Variants in FGF13 observed in about 807,000 individuals in gnomAD.
The protein encoded by FGF13 is fibroblast growth factor homologous factor 2.
A neutral mutation model predicts 19.5 loss-of-function variants in FGF13; 2 were observed. The observed-to-expected ratio is 0.10, with a 90% CI of 0.04 to 0.32. FGF13 has a LOEUF of 0.32. FGF13 is among the 10% of genes least tolerant of loss of function. FGF13 has a pLI of 1.00. For missense variants in FGF13, 113 were observed against 192.7 expected (o/e 0.59, Z 2.45); for synonymous variants, 72 against 76.9 (o/e 0.94, Z 0.33).
At chrX:138,688,116 C>T (rs1041739967) in intron 3 of FGF13, among the ~76,000 whole-genome samples, 12 of 109,020 alleles carry the variant, frequency 1.1e-4, no homozygotes, top group African/African-American at 3.7e-4. Flanking sequence ...CCACCATGCC[C>T]GGCTAATTTT....
intron 1 of FGF13, among the ~76,000 whole-genome samples, chrX:138,734,466 G>T (rs774965901): frequency 9.0e-6 from 1 of 111,265 alleles, no homozygotes; most frequent in Non-Finnish European, 1.9e-5. Context: ...TAATAATCTA[G>T]AGGGGAAAAT....
chrX:139,023,111 T>C (rs1049398046), intron 1 of FGF13, among the ~76,000 whole-genome samples: 1 of 110,694 alleles, frequency 9.0e-6, no homozygotes, highest in African/African-American at 3.3e-5. Flanking sequence ...CTCCTCAGGT[T>C]TAAATCAGGA....
intron 3 of FGF13, among the ~76,000 whole-genome samples, chrX:138,673,633 G>A (rs1238470827): frequency 9.0e-6 from 1 of 111,503 alleles, no homozygotes; most frequent in Non-Finnish European, 1.9e-5. Context: ...AACCTTTTAA[G>A]GACCCCTTTT....
At chrX:138,993,063 G>A (rs1326972357) in intron 1 of FGF13, among the ~76,000 whole-genome samples, 3 of 111,522 alleles carry the variant, frequency 2.7e-5, no homozygotes, top group Admixed American at 9.6e-5. Flanking sequence ...GGAAACTTCA[G>A]AAAAACTCAC....
At chrX:138,692,587 G>A (rs776355338) in intron 3 of FGF13, among the ~76,000 whole-genome samples, 5 of 111,310 alleles carry the variant, frequency 4.5e-5, no homozygotes, top group Non-Finnish European at 5.7e-5. Context: ...AATGTTCAGT[G>A]TAGGTTATGT....
At chrX:138,643,332 T>C (rs950356703) in intron 3 of FGF13, among the ~76,000 whole-genome samples, 4 of 112,635 alleles carry the variant, frequency 3.6e-5, no homozygotes, top group Non-Finnish European at 5.6e-5. Flanking sequence ...AGTTAAAGAA[T>C]GAGAACAAAC....
At chrX:138,904,646 C>T (rs1442169828) in intron 1 of FGF13, among the ~76,000 whole-genome samples, 1 of 111,495 alleles carries the variant, frequency 9.0e-6, no homozygotes, top group South Asian at 3.8e-4. Flanking sequence ...CTAGGCCTTA[C>T]CCTGAGACAT....
intron 1 of FGF13, among the ~76,000 whole-genome samples, chrX:138,961,581 T>G (rs1164853276): frequency 9.0e-6 from 1 of 111,445 alleles, no homozygotes; most frequent in African/African-American, 3.3e-5. Context: ...TGTTCAGCTA[T>G]GCCCTGCCAT....
At chrX:138,710,694 C>A in intron 1 of FGF13, 123 bp downstream of exon 1, 6 of 1,094,934 alleles carry the variant, frequency 5.5e-6, no homozygotes, top group Non-Finnish European at 7.2e-6. Context: ...CGCACACAGG[C>A]TAGGTGGCCT....
intron 3 of FGF13, among the ~76,000 whole-genome samples, chrX:138,745,487 A>G (rs1292764990): frequency 8.9e-6 from 1 of 112,125 alleles, no homozygotes; most frequent in African/African-American, 3.2e-5. Flanking sequence ...CCTCCCAACA[A>G]CAAGGCACCA....
At chrX:138,945,000 T>C (rs769984030) in intron 1 of FGF13, among the ~76,000 whole-genome samples, 2 of 109,887 alleles carry the variant, frequency 1.8e-5, no homozygotes, top group Non-Finnish European at 3.8e-5. Flanking sequence ...ACAAAAGCTG[T>C]TGGTCACCAT....
chrX:139,065,490 AAAAAAG>A (rs1272797944), intron 1 of FGF13, among the ~76,000 whole-genome samples: 4 of 92,771 alleles, frequency 4.3e-5, no homozygotes, highest in African/African-American at 1.9e-4. Flanking sequence ...GCAAAAAAAA[AAAAAAG>A]AAAAAGAAAA....
upstream of FGF13, among the ~76,000 whole-genome samples, chrX:138,740,806 A>G (rs1261246246): frequency 1.8e-5 from 2 of 112,446 alleles, no homozygotes; most frequent in Non-Finnish European, 3.8e-5. Context: ...TGCTGTCACC[A>G]TTTTGAAACT....
chrX:139,181,762 C>T lies in FGF13; in HGVS notation c.-113+21654G>A, dbSNP rs776124304. Among the ~76,000 whole-genome samples the T allele has an allele frequency of 2.7e-5, 3 of 112,101 alleles. No homozygotes were observed. The South Asian group carries it at 1.1e-3, about 42-fold the overall frequency. ...ATAACAGCTATAATTCAGAAACTGA[C>T]TGATATAATTCAGAAATAAAGTGCT... On this transcript the variant is annotated intron_variant, in intron 1 of 2. Coordinates refer to the FGF13 transcript ENST00000421460.
chrX:138,618,196 G>A lies in FGF13; in HGVS notation c.*14654C>T, dbSNP rs1308054957. On this transcript the variant is annotated 3_prime_UTR_variant, in exon 5 of 5. Coordinates refer to ENST00000315930, the MANE Select transcript of FGF13 (RefSeq NM_004114.5). ...CTCACAGATGGAGCAAAACAATTAC[G>A]AGAATAGGCACATTGAAAAGAACCA... 2 of 111,021 alleles carry A rather than the reference G, an allele frequency of 1.8e-5. No homozygotes were observed. Among genetic ancestry groups the A allele is most frequent in the Admixed American group, 9.6e-5 (1 of 10,424 alleles). 9.1% of individuals were successfully genotyped at this position (111,021 alleles called of 1,213,427 possible).
intron 3 of FGF13, among the ~76,000 whole-genome samples, chrX:138,650,793 A>G (rs2089362636): frequency 9.0e-6 from 1 of 111,632 alleles, no homozygotes; most frequent in Non-Finnish European, 1.9e-5. Flanking sequence ...GCTTTTTGAA[A>G]CTATATAATA....
rs190045019 is a variant in FGF13, at chrX:138,946,501, A to T, written c.-112-81851T>A. On this transcript the variant is annotated intron_variant, in intron 1 of 2. Transcript: ENST00000421460. ...TTAGCAAGGGAGTTGTTGGTGATCAAAGATGTGGGAGTTTGTCCTGCCTCC... is the reference window on the plus strand; with the variant it reads ...TTAGCAAGGGAGTTGTTGGTGATCATAGATGTGGGAGTTTGTCCTGCCTCC... Among the ~76,000 whole-genome samples, 22 of 112,328 alleles carry T rather than the reference A, an allele frequency of 2.0e-4. No homozygotes were observed. The East Asian group carries it at 2.8e-3, about 14-fold the overall frequency.
At position 138,940,327 on chromosome X, in the gene FGF13, T is replaced by G. The variant is rs903322403; in HGVS notation, c.-112-75677A>C. Among the ~76,000 whole-genome samples the G allele has an allele frequency of 6.2e-5, 7 of 112,288 alleles. No homozygotes were observed. In the Admixed American group the frequency reaches 6.6e-4, roughly 11 times the overall value. The stretch of plus-strand genomic sequence containing the variant: ...TTAAGTTACTTATAGATTCTGGATA[T>G]TAAACCTTTGTCAGATGCATAGTTT... On this transcript the variant is annotated intron_variant, in intron 1 of 2. Transcript: ENST00000421460.
At chrX:138,765,839 A>C (rs1164715701) in intron 3 of FGF13, among the ~76,000 whole-genome samples, 1 of 109,975 alleles carries the variant, frequency 9.1e-6, no homozygotes, top group Non-Finnish European at 1.9e-5. Context: ...CTCTCTCTTT[A>C]CTCTCAAGTC....
Sources: allele counts gnomAD v4.1 joint callset (sites outside exome capture counted in the v4.1 genomes callset), GRCh38; gene constraint gnomAD v4.1.1; transcripts MANE v1.5; gene names NCBI Gene and HGNC (gene_info 2026-07-23, HGNC 2026-07-21).